The following MND1 variants were observed in gnomAD, a reference collection of about 807,000 sequenced individuals.
The protein encoded by MND1 is meiotic nuclear division protein 1 homolog.
Under a neutral mutation model 35.1 loss-of-function variants are expected in MND1, and 28 were observed. The observed-to-expected ratio is 0.80, with a 90% confidence interval of 0.59 to 1.09. The LOEUF is 1.09. Among genes scored for constraint, MND1 ranks in the 50% least tolerant of loss-of-function variants. The pLI, the probability that MND1 is intolerant of heterozygous loss-of-function variation, is 0.00. For synonymous variants in MND1, 69 were observed against 70.5 expected (o/e 0.98, Z 0.11); for missense variants, 213 against 239.6 (o/e 0.89, Z 0.73).
chr4:153,390,538 A>C (rs1728990270), intron 4 of MND1, among the ~76,000 whole-genome samples: 1 of 152,132 alleles, frequency 6.6e-6, no homozygotes, highest in Non-Finnish European at 1.5e-5. Flanking sequence ...AAAGACTCTT[A>C]ATTAATATAG....
At chr4:153,345,107 G>T (rs1773040576) in intron 1 of MND1, among the ~76,000 whole-genome samples, 1 of 152,226 alleles carries the variant, frequency 6.6e-6, no homozygotes. Context: ...AAAGACCACG[G>T]GGCCCTTGAG....
intron 4 of MND1, among the ~76,000 whole-genome samples, chr4:153,375,373 C>T (rs1728474006): frequency 6.6e-6 from 1 of 152,016 alleles, no homozygotes; most frequent in Non-Finnish European, 1.5e-5. Flanking sequence ...AAAATGGAGG[C>T]ACTAAGAGAT....
intron 4 of MND1, among the ~76,000 whole-genome samples, chr4:153,389,687 C>A (rs28421965): frequency 0.064 from 9,663 of 152,172 alleles, 496 homozygotes; most frequent in African/African-American, 0.14. Context: ...TATAGGCTAT[C>A]ACCTCTCTAT....
chr4:153,377,129 C>T (rs560599353), intron 4 of MND1, among the ~76,000 whole-genome samples: 1 of 152,250 alleles, frequency 6.6e-6, no homozygotes, highest in Admixed American at 6.5e-5. Context: ...CTGGTTTATA[C>T]CCCACTTGTT....
chr4:153,384,285 T>TA (rs1728788404), intron 4 of MND1, among the ~76,000 whole-genome samples: 2 of 124,480 alleles, frequency 1.6e-5, no homozygotes, highest in African/African-American at 3.4e-5. Context: ...TTTTTTTTTT[T>TA]AAAGAGCCAG....
At chr4:153,396,414 A>G (rs1729198607) in intron 5 of MND1, among the ~76,000 whole-genome samples, 1 of 152,250 alleles carries the variant, frequency 6.6e-6, no homozygotes, top group African/African-American at 2.4e-5. Context: ...AAGTAGAAAA[A>G]TACAAATAAA....
intron 7 of MND1, among the ~76,000 whole-genome samples, chr4:153,414,303 C>T (rs993028801): frequency 8.0e-5 from 12 of 149,544 alleles, no homozygotes; most frequent in Admixed American, 6.7e-5. Context: ...TTTTTTGATA[C>T]GGAGTGTCAC....
At chr4:153,413,411 G>A (rs1729743582) in intron 7 of MND1, among the ~76,000 whole-genome samples, 1 of 152,182 alleles carries the variant, frequency 6.6e-6, no homozygotes, top group Non-Finnish European at 1.5e-5. Context: ...TGGACACGGT[G>A]GCTCACACTT....
At chr4:153,408,935 AATAC>A in intron 6 of MND1, 32 bp from the exon 7 acceptor site, 1 of 636,948 alleles carries the variant, frequency 1.6e-6, no homozygotes, top group Non-Finnish European at 2.1e-6. Context: ...TATATATATA[AATAC>A]ATTTCATTTT....
chr4:153,366,190 T>G (rs1773633690), intron 4 of MND1, among the ~76,000 whole-genome samples: 1 of 152,228 alleles, frequency 6.6e-6, no homozygotes, highest in African/African-American at 2.4e-5. Context: ...CAAATTTCCC[T>G]TTAATAAGGA....
At chr4:153,391,727 TAC>T (rs71598272) in intron 4 of MND1, among the ~76,000 whole-genome samples, 58 of 142,114 alleles carry the variant, frequency 4.1e-4, no homozygotes, top group Admixed American at 1.7e-3. Context: ...AACTCCATCA[TAC>T]ACACACACAC....
intron 4 of MND1, among the ~76,000 whole-genome samples, chr4:153,372,738 C>A (rs1264300054): frequency 6.6e-6 from 1 of 152,186 alleles, no homozygotes. Context: ...CCCCCACCCC[C>A]AGCTTCTTTT....
chr4:153,408,905 T>TG (rs1729593936), intron 6 of MND1, 66 bp from the exon 7 acceptor site: 3 of 357,850 alleles, frequency 8.4e-6, no homozygotes, highest in Admixed American at 7.2e-5. Context: ...TAAAGATCAT[T>TG]TTGTGTGTAT....
At chr4:153,354,922 G>A (rs1453803773) in intron 2 of MND1, among the ~76,000 whole-genome samples, 1 of 152,116 alleles carries the variant, frequency 6.6e-6, no homozygotes, top group Non-Finnish European at 1.5e-5. Context: ...TAGCACTTTG[G>A]GAGGCTGAGA....
chr4:153,380,557 C>G (rs1273300103), intron 4 of MND1, among the ~76,000 whole-genome samples: 1 of 152,166 alleles, frequency 6.6e-6, no homozygotes, highest in Non-Finnish European at 1.5e-5. Flanking sequence ...TGGGAAGGGA[C>G]CATCCTCTGA....
In MND1 at chr4:153,403,867, G is replaced by GCCTGCCT. The variant is rs1174488720; in HGVS notation, c.467-5103_467-5102insCTGCCTC. Among the ~76,000 whole-genome samples, 18 of 152,144 alleles carry GCCTGCCT rather than the reference G, an allele frequency of 1.2e-4. No homozygotes were observed. In the East Asian group the frequency reaches 3.1e-3, roughly 26 times the overall value. On this transcript the variant is annotated intron_variant, in intron 6 of 7. Transcript: ENST00000240488. ...TGCAGCCTCAACCTCTTGGGCTCAA[G>GCCTGCCT]CAATCCTCCTGCCTCAGTCCCCTGA...
chr4:153,378,742 A>G (rs1329417734), intron 4 of MND1, among the ~76,000 whole-genome samples: 1 of 152,174 alleles, frequency 6.6e-6, no homozygotes, highest in Non-Finnish European at 1.5e-5. Flanking sequence ...AACATGTGCA[A>G]AGTGCTGTTG....
At chr4:153,381,445 G>C (rs1188816616) in intron 4 of MND1, among the ~76,000 whole-genome samples, 1 of 150,794 alleles carries the variant, frequency 6.6e-6, no homozygotes, top group East Asian at 2.0e-4. Context: ...AGACAACCTT[G>C]AAAAGATTTA....
intron 2 of MND1, 91 bp downstream of exon 2, chr4:153,350,220 A>G: frequency 1.3e-6 from 1 of 796,634 alleles, no homozygotes; most frequent in Non-Finnish European, 2.0e-6. Context: ...TTTGTTAAAC[A>G]TCAATACTGA....
Sources: allele counts gnomAD v4.1 joint callset (sites outside exome capture counted in the v4.1 genomes callset), GRCh38; gene constraint gnomAD v4.1.1; transcripts MANE v1.5; gene names NCBI Gene and HGNC (gene_info 2026-07-23, HGNC 2026-07-21).